Variants in NRXN3 observed in about 807,000 individuals in gnomAD.
NRXN3 encodes the protein neurexin III.
NRXN3 carries 32 observed loss-of-function variants against 137.6 expected under a neutral mutation model. The ratio of observed to expected loss-of-function variants is 0.23; its 90% CI spans 0.18 to 0.31. NRXN3 has a LOEUF of 0.31. Among genes scored for constraint, NRXN3 ranks in the 10% least tolerant of loss-of-function variants. The pLI, the probability that NRXN3 is intolerant of heterozygous loss-of-function variation, is 1.00. For synonymous variants in NRXN3, 798 were observed against 784.5 expected (o/e 1.02, Z -0.29); for missense variants, 1,574 against 2,062.5 (o/e 0.76, Z 4.59).
intron 10 of NRXN3, among the ~76,000 whole-genome samples, chr14:78,821,643 T>A (rs1330122182): frequency 1.3e-5 from 2 of 151,678 alleles, no homozygotes; most frequent in East Asian, 3.9e-4. Flanking sequence ...GCTGGAAAAA[T>A]TCTGTACCTT....
At chr14:78,189,306 C>G (rs1445570223) in intron 1 of NRXN3, among the ~76,000 whole-genome samples, 1 of 152,230 alleles carries the variant, frequency 6.6e-6, no homozygotes, top group Non-Finnish European at 1.5e-5. Flanking sequence ...CTCCACTCAG[C>G]AGGCTGGAGT....
intron 15 of NRXN3, among the ~76,000 whole-genome samples, chr14:79,078,017 G>C (rs2046273868): frequency 6.6e-6 from 1 of 152,032 alleles, no homozygotes; most frequent in Non-Finnish European, 1.5e-5. Flanking sequence ...TTCCAATAAA[G>C]CTTTCAAAAA....
intron 4 of NRXN3, among the ~76,000 whole-genome samples, chr14:78,356,589 C>T (rs542525647): frequency 9.2e-5 from 14 of 152,274 alleles, no homozygotes; most frequent in African/African-American, 3.4e-4. Context: ...GCCAGAACCC[C>T]GTTACCAGGG....
chr14:79,125,078 A>G (rs557686491), intron 15 of NRXN3, among the ~76,000 whole-genome samples: 13 of 152,262 alleles, frequency 8.5e-5, no homozygotes, highest in Non-Finnish European at 1.0e-4. Context: ...ACATTTGGTG[A>G]TCAGCATTTA....
intron 11 of NRXN3, among the ~76,000 whole-genome samples, chr14:78,964,021 G>A (rs552497342): frequency 2.5e-4 from 38 of 151,732 alleles, no homozygotes; most frequent in Admixed American, 1.2e-3. Flanking sequence ...TTTCTGTCTC[G>A]GCCTCCCAAA....
intron 15 of NRXN3, among the ~76,000 whole-genome samples, chr14:79,082,323 C>T (rs183195398): frequency 6.6e-6 from 1 of 151,544 alleles, no homozygotes; most frequent in African/African-American, 2.4e-5. Context: ...GCACTGGCTT[C>T]ATTCTTCTAT....
At chr14:78,176,006 C>T (rs974027788) in intron 1 of NRXN3, among the ~76,000 whole-genome samples, 14 of 152,142 alleles carry the variant, frequency 9.2e-5, no homozygotes, top group Admixed American at 4.6e-4. Context: ...GTTCCTAGTG[C>T]GTAGGACATT....
chr14:78,709,071 G>T, intron 6 of NRXN3, 146 bp from the exon 7 acceptor site: 1 of 660,674 alleles, frequency 1.5e-6, no homozygotes, highest in Non-Finnish European at 2.5e-6. Context: ...TACCTTTTTG[G>T]TTCCTGTGTC....
intron 10 of NRXN3, among the ~76,000 whole-genome samples, chr14:78,954,659 G>A (rs1042515740): frequency 6.6e-6 from 1 of 151,672 alleles, no homozygotes; most frequent in Non-Finnish European, 1.5e-5. Flanking sequence ...TAGAGACGGG[G>A]TTTCACTGTG....
chr14:79,006,719 TATA>T, intron 15 of NRXN3, among the ~76,000 whole-genome samples: 1 of 152,320 alleles, frequency 6.6e-6, no homozygotes, highest in South Asian at 2.1e-4. Context: ...AGCTTAATAA[TATA>T]ATATCATATT....
intron 6 of NRXN3, among the ~76,000 whole-genome samples, chr14:78,660,982 G>A (rs1247288249): frequency 6.6e-6 from 1 of 152,228 alleles, no homozygotes; most frequent in African/African-American, 2.4e-5. Flanking sequence ...TCCTGCCTCA[G>A]ATGAATGCTA....
In NRXN3 at chr14:78,723,677, G is replaced by A. The variant is rs114213805; in HGVS notation, c.2044+8538G>A. On this transcript the variant is annotated intron_variant, in intron 8 of 20. Transcript: ENST00000335750. The stretch of plus-strand genomic sequence containing the variant: ...AACTGGCTTATTGTGAGGCTCCATT[G>A]TAGAATCAAAGTGTATAATGTGCTC... Among the ~76,000 whole-genome samples, 375 of 151,260 alleles carry A rather than the reference G, an allele frequency of 2.5e-3. 1 individual carries two copies. The highest frequency in any genetic ancestry group is 9.0e-3 in the African/African-American group (365 of 40,718).
chr14:79,668,966 A>T lies in NRXN3; in HGVS notation c.3616+5017A>T, dbSNP rs572768008. ...CCACATCTCTTCCTCAATTATTGAG[A>T]CTTTAAAGGATTAAAAACAAGTCTA... is the stretch of plus-strand genomic sequence containing the variant. On this transcript the variant is annotated intron_variant, in intron 17 of 20. Transcript: ENST00000335750. Among the ~76,000 whole-genome samples the T allele has an allele frequency of 4.6e-5, 7 of 152,212 alleles. No individual in the cohort carries two copies. The East Asian group carries it at 1.4e-3, about 29-fold the overall frequency.
At chr14:79,616,380 A>T (rs758522713) in intron 16 of NRXN3, among the ~76,000 whole-genome samples, 88 of 152,116 alleles carry the variant, frequency 5.8e-4, no homozygotes, top group Admixed American at 1.2e-3. Context: ...GAATTGGTGA[A>T]TCTACTCTTC....
At chr14:78,663,314 C>T (rs2097855678) in intron 6 of NRXN3, among the ~76,000 whole-genome samples, 1 of 152,186 alleles carries the variant, frequency 6.6e-6, no homozygotes, top group Non-Finnish European at 1.5e-5. Context: ...TAGGAAAGGT[C>T]ATTTAATCAG....
At chr14:78,498,424 G>T (rs2095824501) in intron 4 of NRXN3, among the ~76,000 whole-genome samples, 1 of 152,176 alleles carries the variant, frequency 6.6e-6, no homozygotes, top group Admixed American at 6.6e-5. Context: ...TGATATGCAG[G>T]CCAGACAGGT....
chr14:79,478,392 A>G (rs2096578627), intron 16 of NRXN3, among the ~76,000 whole-genome samples: 1 of 151,988 alleles, frequency 6.6e-6, no homozygotes, highest in Non-Finnish European at 1.5e-5. Flanking sequence ...GGCCTCTTTC[A>G]TCTGAAATCA....
At chr14:79,228,189 G>A (rs899400602) in intron 15 of NRXN3, among the ~76,000 whole-genome samples, 1 of 152,130 alleles carries the variant, frequency 6.6e-6, no homozygotes, top group Admixed American at 6.5e-5. Flanking sequence ...TTGAGAGATA[G>A]CAAAAGCTTT....
intron 15 of NRXN3, among the ~76,000 whole-genome samples, chr14:79,097,380 C>A (rs185201333): frequency 1.3e-5 from 2 of 152,164 alleles, no homozygotes; most frequent in East Asian, 3.8e-4. Context: ...AGAGGAACAG[C>A]CATTCTCTTT....
Sources: allele counts gnomAD v4.1 joint callset (sites outside exome capture counted in the v4.1 genomes callset), GRCh38; gene constraint gnomAD v4.1.1; transcripts MANE v1.5; gene names NCBI Gene and HGNC (gene_info 2026-07-23, HGNC 2026-07-21).